IGFBP2: variants seen among roughly 807,000 people sequenced by gnomAD.
IGFBP2 encodes insulin like growth factor binding protein 2.
Under a neutral mutation model 26.2 loss-of-function variants are expected in IGFBP2, and 12 were observed. That is an observed-to-expected ratio of 0.46 (90% CI 0.29 to 0.74). The LOEUF (loss-of-function observed/expected upper bound fraction) is 0.74, where lower values mean the gene tolerates loss of function less well. IGFBP2 is among the 30% of genes least tolerant of loss of function. The pLI is 0.09. For missense variants in IGFBP2, 328 were observed against 441.2 expected (o/e 0.74, Z 2.30); for synonymous variants, 189 against 200.6 (o/e 0.94, Z 0.49).
chr2:216,645,749 G>A (rs534312357), intron 1 of IGFBP2, among the ~76,000 whole-genome samples: 2 of 152,276 alleles, frequency 1.3e-5, no homozygotes, highest in East Asian at 3.9e-4. Flanking sequence ...TGGCTTACCT[G>A]GACAGCTGCC....
intron 1 of IGFBP2, among the ~76,000 whole-genome samples, chr2:216,652,252 C>T (rs1381120563): frequency 6.7e-6 from 1 of 150,196 alleles, no homozygotes; most frequent in Non-Finnish European, 1.5e-5. Context: ...TGGCTCACTG[C>T]AACCTCCGCT....
chr2:216,661,034 G>A, intron 2 of IGFBP2: 1 of 538,094 alleles, frequency 1.9e-6, no homozygotes, highest in East Asian at 3.2e-5. Context: ...TTTCTGTATG[G>A]TTTTGGAACA....
At chr2:216,661,748 T>C (rs1688653821) in intron 2 of IGFBP2, 110 bp from the exon 3 acceptor site, 1 of 1,285,874 alleles carries the variant, frequency 7.8e-7, no homozygotes, top group Non-Finnish European at 1.1e-6. Context: ...TGTGTGACCA[T>C]GGGAAAGTCC....
At position 216,664,148 on chromosome 2, in the gene IGFBP2, T is replaced by G. The variant is rs9341220; in HGVS notation, c.*44T>G. ...CTGGCGCCCCTGCCCCCCGCCCCTC[T>G]CCAAACACCGGCAGAAAACGGAGAG... On this transcript the variant is annotated 3_prime_UTR_variant, in exon 4 of 4. Coordinates refer to ENST00000233809, the MANE Select transcript of IGFBP2 (RefSeq NM_000597.3). This position sits in a 1 kb window ranked among gnomAD's most constrained non-coding sequence, Gnocchi z 4.6. The G allele has an allele frequency of 2.6e-3, 3,841 of 1,467,384 alleles. 79 individuals carry two copies. The African/African-American group carries it at 0.047, about 18-fold the overall frequency. The allele number at this position is 1,467,384 out of a possible 1,614,324, so 90.9% of individuals were successfully genotyped here. A position where few individuals can be genotyped will look rare whatever the true frequency, so the allele number is the denominator to read the frequency against.
At chr2:216,637,262 C>A (rs1199085525) in intron 1 of IGFBP2, among the ~76,000 whole-genome samples, 1 of 152,192 alleles carries the variant, frequency 6.6e-6, no homozygotes, top group Admixed American at 6.5e-5. Flanking sequence ...GCCTGAGTCA[C>A]CAGTCACCAC....
chr2:216,650,436 G>A (rs1697796832), intron 1 of IGFBP2, among the ~76,000 whole-genome samples: 1 of 152,330 alleles, frequency 6.6e-6, no homozygotes, highest in East Asian at 1.9e-4. Context: ...AAAAGCTGGT[G>A]CTCCAAAGGA....
At chr2:216,636,276 C>T (rs1304520285) in intron 1 of IGFBP2, among the ~76,000 whole-genome samples, 1 of 151,184 alleles carries the variant, frequency 6.6e-6, no homozygotes, top group African/African-American at 2.5e-5. Flanking sequence ...AGAATGAGCA[C>T]CCCCCCTCCA....
At chr2:216,635,509 C>T (rs1036326892) in intron 1 of IGFBP2, among the ~76,000 whole-genome samples, 1 of 152,260 alleles carries the variant, frequency 6.6e-6, no homozygotes, top group Middle Eastern at 3.4e-3. Context: ...TCTTCCTCAG[C>T]AGGGTGAACT....
At position 216,633,971 on chromosome 2, in the gene IGFBP2, G is replaced by C. The variant is rs1355910389; in HGVS notation, c.442+6G>C. The C allele has an allele frequency of 2.5e-6, 4 of 1,594,284 alleles. No individual in the cohort carries two copies. Among genetic ancestry groups the C allele is most frequent in the Non-Finnish European group, 3.4e-6 (4 of 1,171,466 alleles). ...CAGCCCGGAGCAGGTTGCAGGTAAC[G>C]CGGTCTGGAACAAGTAGTTGGGAGA... On this transcript the variant is annotated splice_donor_region_variant and intron_variant, in intron 1 of 3. Coordinates refer to ENST00000233809, the MANE Select transcript of IGFBP2 (RefSeq NM_000597.3).
At chr2:216,659,635 G>A in intron 1 of IGFBP2, 1 of 1,088,540 alleles carries the variant, frequency 9.2e-7, no homozygotes, top group South Asian at 1.3e-5. Context: ...GCAGGCTGGA[G>A]CTGTTTTCAA....
intron 3 of IGFBP2, 100 bp downstream of exon 3, chr2:216,662,098 T>C (rs891529817): frequency 3.8e-6 from 5 of 1,333,190 alleles, no homozygotes; most frequent in Admixed American, 1.9e-5. Context: ...CTCTGAGGTC[T>C]GAGCTGAGTG....
intron 1 of IGFBP2, among the ~76,000 whole-genome samples, chr2:216,640,736 A>G (rs936706276): frequency 1.3e-5 from 2 of 152,170 alleles, no homozygotes; most frequent in Admixed American, 1.3e-4. Context: ...GGTAGAGAAA[A>G]GCTTTTGACC....
intron 1 of IGFBP2, among the ~76,000 whole-genome samples, chr2:216,650,268 G>A (rs1467513725): frequency 6.6e-6 from 1 of 152,138 alleles, no homozygotes; most frequent in Non-Finnish European, 1.5e-5. Flanking sequence ...CTTCTGACTG[G>A]GTCTAATTCC....
chr2:216,660,943 T>C, intron 2 of IGFBP2, 157 bp downstream of exon 2: 1 of 624,824 alleles, frequency 1.6e-6, no homozygotes, highest in Non-Finnish European at 2.8e-6. Flanking sequence ...GTTAGTGACC[T>C]TTGGGGCAGT....
Position 216,661,792 on chromosome 2 carries a change from G to A in IGFBP2, c.673-66G>A, listed in dbSNP as rs764583488. 33 of 1,593,940 alleles carry A rather than the reference G, an allele frequency of 2.1e-5. No individual in the cohort carries two copies. In the Admixed American group the frequency reaches 3.4e-4, roughly 16 times the overall value. On this transcript the variant is annotated intron_variant, in intron 2 of 3. Transcript: ENST00000233809. Reference sequence around the variant, plus strand: ...TGCAGCAGCTTCTCGCTGAGCTTGCGTCTGGCGCGTGCTTCGTGGGCCTGC... The same window carrying A: ...TGCAGCAGCTTCTCGCTGAGCTTGCATCTGGCGCGTGCTTCGTGGGCCTGC...
intron 2 of IGFBP2, chr2:216,661,367 G>A (rs987356158): frequency 7.1e-6 from 2 of 282,920 alleles, no homozygotes; most frequent in Non-Finnish European, 1.4e-5. Context: ...GCCTCCCGAA[G>A]CGCTGGGATT....
intron 1 of IGFBP2, among the ~76,000 whole-genome samples, chr2:216,642,706 G>T (rs1277206851): frequency 1.3e-5 from 2 of 152,220 alleles, no homozygotes; most frequent in African/African-American, 4.8e-5. Flanking sequence ...TCTGTCTGCA[G>T]TGTCTAGAAT....
intron 3 of IGFBP2, chr2:216,662,273 G>A: frequency 4.1e-6 from 2 of 493,786 alleles, no homozygotes; most frequent in Non-Finnish European, 3.7e-6. Flanking sequence ...CTTGGAGAAG[G>A]GAAGTGGCTT....
chr2:216,658,104 G>A (rs926381980), intron 1 of IGFBP2, among the ~76,000 whole-genome samples: 2 of 152,066 alleles, frequency 1.3e-5, no homozygotes, highest in Non-Finnish European at 1.5e-5. Flanking sequence ...AAATGTACCC[G>A]GAGTTTGTAT....
Sources: gnomAD v4.1 joint callset for allele counts (sites outside exome capture counted in the v4.1 genomes callset) on GRCh38, gnomAD v4.1.1 for gene constraint, Gnocchi (gnomAD v3.1) non-coding constraint, MANE v1.5 for transcripts, NCBI Gene and HGNC (gene_info 2026-07-23, HGNC 2026-07-21) for gene names.